MYO7B: variants seen among roughly 807,000 people sequenced by gnomAD.
MYO7B encodes the protein myosin VIIB, also known as unconventional myosin-VIIb.
Under a neutral mutation model 259.7 loss-of-function variants are expected in MYO7B, and 212 were observed. The observed-to-expected ratio is 0.82, with a 90% CI of 0.73 to 0.91. MYO7B has a LOEUF of 0.91. Among genes scored for constraint, MYO7B ranks in the 40% least tolerant of loss-of-function variants. The pLI is 0.00. For missense variants in MYO7B, 2,732 were observed against 2,813.5 expected (o/e 0.97, Z 0.66); for synonymous variants, 1,197 against 1,166.4 (o/e 1.03, Z -0.54).
rs1680433633 is a variant in MYO7B, at chr2:127,612,695, A to G, written c.3398+92A>G. Reference sequence around the variant, plus strand: ...GGCCACAGCCTCCCCCACCACCCCTATGACACCTCCTTGTCCTGCGGCCTG... The same window carrying G: ...GGCCACAGCCTCCCCCACCACCCCTGTGACACCTCCTTGTCCTGCGGCCTG... On this transcript the variant is annotated intron_variant, in intron 26 of 47. Transcript: ENST00000409816. 3.3e-6 allele frequency: 5 copies of G among 1,513,266 alleles called. No homozygotes were observed. In the African/African-American group the frequency reaches 4.1e-5, roughly 12 times the overall value. The allele number at this position is 1,513,266 out of a possible 1,614,324, so 93.7% of individuals were successfully genotyped here. A position where few individuals can be genotyped will look rare whatever the true frequency, so the allele number is the denominator to read the frequency against.
Position 127,625,231 on chromosome 2 carries a change from G to A in MYO7B, c.4048-137G>A, listed in dbSNP as rs1042397466. ...TGGCCCAGTCAGGGCATGCAGGGAG[G>A]GGGAAGGTCCTGCCCGAGCCACAGG... On this transcript the variant is annotated intron_variant, in intron 30 of 47. Transcript: ENST00000409816. The A allele has an allele frequency of 6.8e-6, 7 of 1,023,412 alleles. No individual in the cohort carries two copies. In the African/African-American group the frequency reaches 1.2e-4, roughly 17 times the overall value. The allele number at this position is 1,023,412 out of a possible 1,614,324, so 63.4% of individuals were successfully genotyped here.
intron 18 of MYO7B, among the ~76,000 whole-genome samples, chr2:127,595,385 GTCTA>G (rs1271236832): frequency 7.2e-5 from 11 of 152,082 alleles, no homozygotes; most frequent in East Asian, 1.9e-4. Flanking sequence ...CTAGGTAGTG[GTCTA>G]TCTATTTTAT....
chr2:127,636,054 T>G lies in MYO7B; in HGVS notation c.6006+147T>G, dbSNP rs772156231. 4.2e-4 allele frequency: 443 copies of G among 1,067,156 alleles called. 4 individuals are homozygous for G. The highest frequency in any genetic ancestry group is 5.3e-4 in the Non-Finnish European group (394 of 739,770). The allele number at this position is 1,067,156 out of a possible 1,614,324, so 66.1% of individuals were successfully genotyped here. ...GGCTGGCTCTGCACACACCACGCCT[T>G]CCTATGCCATCCACAGCACCGAGAC... On this transcript the variant is annotated intron_variant, in intron 44 of 47. Transcript: ENST00000409816. This position sits in a 1 kb window ranked among gnomAD's most constrained non-coding sequence, Gnocchi z 4.5.
chr2:127,566,681 C>A lies in MYO7B; in HGVS notation c.324C>A (p.Phe108Leu). The A allele has an allele frequency of 6.2e-7, 1 of 1,604,542 alleles. No individual in the cohort carries two copies. The highest frequency in any genetic ancestry group is 2.2e-5 in the East Asian group (1 of 44,512). ...TGSILVAVNPFQVLPLYTLEQ... is the reference protein window; with the variant it reads ...TGSILVAVNPLQVLPLYTLEQ... Reference sequence around the variant, plus strand: ...CCATCCTGGTGGCCGTCAACCCGTTCCAGGTGCTGCCGCTCTACACCCTGG... The same window carrying A: ...CCATCCTGGTGGCCGTCAACCCGTTACAGGTGCTGCCGCTCTACACCCTGG... The change falls in exon 5 of 48, where the codon TTC becomes TTA. Residue 108 changes from phenylalanine to leucine, a missense_variant. Physicochemically the swap from Phe to Leu is conservative, Grantham distance 22. Transcript: ENST00000409816.
At chr2:127,582,263 G>A (rs777646687) in intron 11 of MYO7B, 41 bp from the exon 12 acceptor site, 2 of 1,606,800 alleles carry the variant, frequency 1.2e-6, no homozygotes, top group African/African-American at 1.3e-5. Context: ...CTCCGCCTGA[G>A]CCTCCAAGCC....
Position 127,588,450 on chromosome 2 carries a change from C to T in MYO7B, c.1749C>T (p.Ser583=), listed in dbSNP as rs761594831. Residue 583 remains serine, a synonymous_variant, in exon 15 of 48, where the codon TCC becomes TCT. Transcript: ENST00000409816. ...LSTDILTLVY[S]SKNKFLREIF... is the part of the protein sequence containing the mutation. ...CAGATATCCTCACCCTGGTTTACTC[C>T]TCCAAAAACAAGTTTCTGAGGGAGA... The T allele has an allele frequency of 6.2e-7, 1 of 1,613,244 alleles. No homozygotes were observed. The highest frequency in any genetic ancestry group is 1.7e-5 in the Admixed American group (1 of 60,024).
rs1031930355 is a variant in MYO7B at position 127,559,176 on chromosome 2, C to T, written c.-23-524C>T. Among the ~76,000 whole-genome samples, 1 of 152,216 alleles carries T rather than the reference C, an allele frequency of 6.6e-6. No individual in the cohort carries two copies. The highest frequency in any genetic ancestry group is 1.5e-5 in the Non-Finnish European group (1 of 68,046). ...TGGCTGCCTGCTCCCTCTAGAACCA[C>T]CAGGTGCTAAGGACAGGTTTGAAAG... On this transcript the variant is annotated intron_variant, in intron 1 of 47. Coordinates refer to ENST00000409816, the MANE Select transcript of MYO7B (RefSeq NM_001393586.1). The surrounding 1 kb of genome is among the most constrained non-coding windows in gnomAD (Gnocchi z 4.1).
Position 127,627,005 on chromosome 2 carries a change from C to T in MYO7B, c.4246C>T (p.Leu1416=), listed in dbSNP as rs183041806. Residue 1416 remains leucine, a synonymous_variant, in exon 32 of 48, where the codon CTG becomes TTG. Coordinates refer to ENST00000409816, the MANE Select transcript of MYO7B (RefSeq NM_001393586.1). The surrounding 1 kb of genome is among the most constrained non-coding windows in gnomAD (Gnocchi z 5.6). ...APYTQKQVTP[L]AVREQVVDAA... is the part of the protein sequence containing the mutation. Reference sequence around the variant, plus strand: ...ATACACTCAGAAGCAAGTCACACCACTGGCCGTGCGAGAGCAGGTGGTGGA... The same window carrying T: ...ATACACTCAGAAGCAAGTCACACCATTGGCCGTGCGAGAGCAGGTGGTGGA... The T allele has an allele frequency of 6.2e-6, 10 of 1,611,724 alleles. No homozygotes were observed. The highest frequency in any genetic ancestry group is 8.5e-6 in the Non-Finnish European group (10 of 1,179,298).
At chr2:127,624,774 T>C (rs1261702945) in intron 30 of MYO7B, among the ~76,000 whole-genome samples, 3 of 152,114 alleles carry the variant, frequency 2.0e-5, no homozygotes, top group Admixed American at 6.5e-5. Context: ...TACCGGGAGC[T>C]CTTTTGTAGG....
At chr2:127,633,518 G>A (rs1465658657) in intron 40 of MYO7B, among the ~76,000 whole-genome samples, 155 bp downstream of exon 40, 1 of 152,110 alleles carries the variant, frequency 6.6e-6, no homozygotes, top group Non-Finnish European at 1.5e-5. Context: ...CCCATGGGAT[G>A]CAGGCCCCAC....
In MYO7B at chr2:127,636,779, CCT is replaced by C; in HGVS notation, c.6208-10_6208-9del. ...CTCTGGAGGCGTCCGGCCCACCCACCCTCTCTGCCCCCAGGACCTGCTCACCA... is the reference window on the plus strand; with the variant it reads ...CTCTGGAGGCGTCCGGCCCACCCACCCTCTGCCCCCAGGACCTGCTCACCA... On this transcript the variant is annotated splice_polypyrimidine_tract_variant and intron_variant, in intron 46 of 47. Transcript: ENST00000409816. The surrounding 1 kb of genome is among the most constrained non-coding windows in gnomAD (Gnocchi z 4.5). The C allele has an allele frequency of 6.2e-7, 1 of 1,612,736 alleles. No homozygotes were observed. Among genetic ancestry groups the C allele is most frequent in the Non-Finnish European group, 8.5e-7 (1 of 1,179,378 alleles).
rs746563497 is a variant in MYO7B at position 127,636,201 on chromosome 2, C to A, written c.6007-7C>A. 1 of 1,607,350 alleles carries A rather than the reference C, an allele frequency of 6.2e-7. No individual in the cohort carries two copies. Among genetic ancestry groups the A allele is most frequent in the Non-Finnish European group, 8.5e-7 (1 of 1,175,078 alleles). On this transcript the variant is annotated splice_polypyrimidine_tract_variant and splice_region_variant and intron_variant, in intron 44 of 47. Transcript: ENST00000409816. The surrounding 1 kb of genome is among the most constrained non-coding windows in gnomAD (Gnocchi z 4.5). ...CCCAAGTCCTTACTGGCCCTCCTGT[C>A]CCCCAGAGCATCCTTCTAGCCTATG...
chr2:127,583,454 A>ATTCC (rs1341182885), intron 12 of MYO7B, among the ~76,000 whole-genome samples: 1 of 152,222 alleles, frequency 6.6e-6, no homozygotes, highest in South Asian at 2.1e-4. Context: ...TAAGGCATAG[A>ATTCC]GAGCTCAAGT....
chr2:127,551,268 A>G (rs1446132935), intron 1 of MYO7B, among the ~76,000 whole-genome samples: 3 of 152,082 alleles, frequency 2.0e-5, no homozygotes, highest in African/African-American at 7.2e-5. Context: ...CTGCATCCTA[A>G]TCTGTTGTTG....
chr2:127,576,498 G>A lies in MYO7B; in HGVS notation c.736-97G>A, dbSNP rs1678870036. 1.9e-5 allele frequency: 13 copies of A among 675,110 alleles called. No homozygotes were observed. The highest frequency in any genetic ancestry group is 3.7e-5 in the African/African-American group (2 of 54,014). 41.8% of individuals were successfully genotyped at this position (675,110 alleles called of 1,614,324 possible). A position where few individuals can be genotyped will look rare whatever the true frequency, so the allele number is the denominator to read the frequency against. ...TGCTCCTGGCTGAGAGATGTGGAGC[G>A]GAGGCCAGGGCTGGGCTGGGCAGAG... is the stretch of plus-strand genomic sequence containing the variant. On this transcript the variant is annotated intron_variant, in intron 7 of 47. Coordinates refer to ENST00000409816, the MANE Select transcript of MYO7B (RefSeq NM_001393586.1). This position sits in a 1 kb window ranked among gnomAD's most constrained non-coding sequence, Gnocchi z 4.9.
intron 1 of MYO7B, among the ~76,000 whole-genome samples, chr2:127,554,775 G>A (rs774598702): frequency 7.2e-5 from 11 of 152,086 alleles, no homozygotes; most frequent in Non-Finnish European, 1.5e-4. Flanking sequence ...TTATTGGTCT[G>A]TTCAGGGTAT....
rs1057030954 is a variant in MYO7B at position 127,624,115 on chromosome 2, G to A, written c.3842G>A (p.Arg1281His). ...CAGTTCTGGTCCCTGGGCAGCGGGC[G>A]CGACCACATGATGGATGCCATCGCC... ...YDKFWSLGSGRDHMMDAIARC... is the reference protein window; with the variant it reads ...YDKFWSLGSGHDHMMDAIARC... The change falls in exon 30 of 48, where the codon CGC becomes CAC. Residue 1281 changes from arginine (R) to histidine (H), a missense_variant. Arg to His is a conservative substitution (Grantham distance 29). Coordinates refer to ENST00000409816, the MANE Select transcript of MYO7B (RefSeq NM_001393586.1). 14 of 1,577,894 alleles carry A rather than the reference G, an allele frequency of 8.9e-6. No homozygotes were observed. Among genetic ancestry groups the A allele is most frequent in the Middle Eastern group, 1.7e-4 (1 of 5,904 alleles).
At chr2:127,564,121 GA>G in intron 2 of MYO7B, 31 bp from the exon 3 acceptor site, 3 of 1,427,144 alleles carry the variant, frequency 2.1e-6, no homozygotes, top group Non-Finnish European at 1.9e-6. Context: ...AGAGAGCGGG[GA>G]TCACACCACT....
chr2:127,588,338 G>A, intron 14 of MYO7B, 54 bp from the exon 15 acceptor site: 1 of 1,590,062 alleles, frequency 6.3e-7, no homozygotes, highest in Non-Finnish European at 8.6e-7. Context: ...TCTTCCCCAT[G>A]GGTGGGCAGT....
Sources: gnomAD v4.1 joint callset for allele counts (sites outside exome capture counted in the v4.1 genomes callset) on GRCh38, gnomAD v4.1.1 for gene constraint, Gnocchi (gnomAD v3.1) non-coding constraint, MANE v1.5 for transcripts, NCBI Gene and HGNC (gene_info 2026-07-23, HGNC 2026-07-21) for gene names.